CMPK1: variants seen among roughly 807,000 people sequenced by gnomAD.
CMPK1 encodes UMP-CMP kinase.
A neutral mutation model predicts 25.7 loss-of-function variants in CMPK1; 10 were observed. The observed-to-expected ratio is 0.39, with a 90% confidence interval of 0.24 to 0.66. The LOEUF is 0.66. Among genes scored for constraint, CMPK1 ranks in the 30% least tolerant of loss-of-function variants. The pLI, the probability that CMPK1 is intolerant of heterozygous loss-of-function variation, is 0.48. For missense variants in CMPK1, 199 were observed against 280.5 expected, an observed-to-expected ratio of 0.71 and a Z score of 2.08; for synonymous variants, 106 against 101.5, an observed-to-expected ratio of 1.04 and a Z score of -0.27.
In CMPK1 at chr1:47,333,904, G is replaced by T. The variant is rs780734589; in HGVS notation, c.-42G>T. On this transcript the variant is annotated 5_prime_UTR_variant, in exon 1 of 6. Transcript: ENST00000371873. ...TCCCCGCCCCGCCCCGCGCCGCGCC[G>T]GCCGCTGTCAGCTCCCTCAGCGTCC... 8.4e-7 allele frequency: 1 copy of T among 1,187,584 alleles called. No homozygotes were observed. The highest frequency in any genetic ancestry group is 1.1e-6 in the Non-Finnish European group (1 of 950,178). 73.6% of individuals were successfully genotyped at this position (1,187,584 alleles called of 1,614,324 possible). A position where few individuals can be genotyped will look rare whatever the true frequency, so the allele number is the denominator to read the frequency against.
intron 1 of CMPK1, among the ~76,000 whole-genome samples, chr1:47,353,090 T>C (rs1292558066): frequency 6.6e-6 from 1 of 152,242 alleles, no homozygotes; most frequent in Non-Finnish European, 1.5e-5. Flanking sequence ...TAAGAGAGGT[T>C]ACTTGGCACA....
chr1:47,351,745 A>T (rs892741712), intron 1 of CMPK1, among the ~76,000 whole-genome samples: 1 of 151,536 alleles, frequency 6.6e-6, no homozygotes, highest in Admixed American at 6.6e-5. Context: ...ACCAATGTTT[A>T]TTTTTTTTGT....
In CMPK1 at chr1:47,360,052, A is replaced by G. The variant is rs147916245; in HGVS notation, c.172-8417A>G. 3.3e-4 allele frequency among the ~76,000 whole-genome samples: 50 copies of G among 152,302 alleles called. No individual in the cohort carries two copies. In the East Asian group the frequency reaches 8.1e-3, roughly 25 times the overall value. On this transcript the variant is annotated intron_variant, in intron 1 of 5. Coordinates refer to ENST00000371873, the MANE Select transcript of CMPK1 (RefSeq NM_016308.3). Reference sequence around the variant, plus strand: ...GAAATAAGATGAGTATGTAACTTGTATGTTCTACAGTGACAATAAGAATTT... The same window carrying G: ...GAAATAAGATGAGTATGTAACTTGTGTGTTCTACAGTGACAATAAGAATTT...
chr1:47,359,064 A>G (rs61784774), intron 1 of CMPK1, among the ~76,000 whole-genome samples: 26,881 of 152,150 alleles, frequency 0.18, 2,990 homozygotes, highest in East Asian at 0.52. Flanking sequence ...CACACCTGTA[A>G]TCCGTGCACT....
chr1:47,371,352 T>C (rs1346126136), intron 2 of CMPK1, among the ~76,000 whole-genome samples: 1 of 152,214 alleles, frequency 6.6e-6, no homozygotes, highest in Non-Finnish European at 1.5e-5. Flanking sequence ...TGGTTTTTAC[T>C]TTTTCACTCT....
Position 47,370,959 on chromosome 1 carries a change from A to AAAATAAATAAAT in CMPK1, c.319-1983_319-1972dup, listed in dbSNP as rs3046950. Among the ~76,000 whole-genome samples, 1,143 of 149,228 alleles carry AAAATAAATAAAT rather than the reference A, an allele frequency of 7.7e-3. 17 individuals carry two copies. Among genetic ancestry groups the AAAATAAATAAAT allele is most frequent in the East Asian group, 0.038 (191 of 5,012 alleles). The stretch of plus-strand genomic sequence containing the variant: ...GCAACAGGGTGAGATTCCGCCTCAA[A>AAAATAAATAAAT]AAATAAATAAATAAATAAATAAATG... On this transcript the variant is annotated intron_variant, in intron 2 of 5. Coordinates refer to ENST00000371873, the MANE Select transcript of CMPK1 (RefSeq NM_016308.3).
intron 1 of CMPK1, among the ~76,000 whole-genome samples, chr1:47,334,689 G>C (rs1463734699): frequency 1.3e-5 from 2 of 152,166 alleles, no homozygotes; most frequent in South Asian, 2.1e-4. Flanking sequence ...CTCGAGCCCC[G>C]TCCCCGCAAG....
intron 1 of CMPK1, among the ~76,000 whole-genome samples, chr1:47,337,173 C>T (rs1646405019): frequency 6.6e-6 from 1 of 152,114 alleles, no homozygotes; most frequent in Non-Finnish European, 1.5e-5. Flanking sequence ...GTCCCAGCTA[C>T]TTGGGAGGCT....
intron 1 of CMPK1, among the ~76,000 whole-genome samples, chr1:47,359,756 C>T (rs1203634239): frequency 6.6e-6 from 1 of 152,074 alleles, no homozygotes; most frequent in Non-Finnish European, 1.5e-5. Flanking sequence ...AAGTGTTCCA[C>T]CTGCCTCAGC....
chr1:47,354,321 A>G (rs1167385104), intron 1 of CMPK1, among the ~76,000 whole-genome samples: 2 of 152,256 alleles, frequency 1.3e-5, no homozygotes. Flanking sequence ...AGAGCAAGAC[A>G]CTGCCTCAAT....
chr1:47,362,279 C>T (rs1464206495), intron 1 of CMPK1, among the ~76,000 whole-genome samples: 4 of 151,166 alleles, frequency 2.6e-5, no homozygotes, highest in African/African-American at 7.3e-5. Flanking sequence ...AAGCGATTCT[C>T]CTGCCTCAGC....
Position 47,376,723 on chromosome 1 carries a change from A to T in CMPK1, c.665A>T (p.Gln222Leu). The change falls in exon 6 of 6, where the codon CAG (glutamine) becomes CTG (leucine). Residue 222 changes from glutamine to leucine, a missense_variant. Physicochemically the swap from Gln to Leu is moderately radical, Grantham distance 113 (BLOSUM62 -2). Transcript: ENST00000371873. ...SVDEVFDEVV[Q>L]IFDKEG ...TTACAGGTTTTTGATGAAGTTGTGC[A>T]GATTTTTGACAAGGAAGGCTAATTC... 1 of 1,586,644 alleles carries T rather than the reference A, an allele frequency of 6.3e-7. No homozygotes were observed. The highest frequency in any genetic ancestry group is 8.6e-7 in the Non-Finnish European group (1 of 1,157,270).
At chr1:47,357,745 A>G (rs1051128732) in intron 1 of CMPK1, among the ~76,000 whole-genome samples, 5 of 152,056 alleles carry the variant, frequency 3.3e-5, no homozygotes, top group African/African-American at 7.2e-5. Context: ...TCAGCCTCCC[A>G]AAGTGCTGGG....
chr1:47,339,761 G>A (rs1328334374), intron 1 of CMPK1, among the ~76,000 whole-genome samples: 1 of 142,358 alleles, frequency 7.0e-6, no homozygotes, highest in Non-Finnish European at 1.5e-5. Context: ...AGACGGGAGT[G>A]CAGTGGCATG....
chr1:47,337,762 G>A (rs543830787), intron 1 of CMPK1, among the ~76,000 whole-genome samples: 6 of 151,838 alleles, frequency 4.0e-5, no homozygotes, highest in African/African-American at 1.2e-4. Flanking sequence ...ACAGGTGCGC[G>A]CCACCATGCC....
chr1:47,376,611 C>G, intron 5 of CMPK1, 93 bp from the exon 6 acceptor site: 1 of 778,072 alleles, frequency 1.3e-6, no homozygotes, highest in Non-Finnish European at 2.1e-6. Flanking sequence ...CCACCGCGCC[C>G]CGCCAAATTT....
intron 1 of CMPK1, among the ~76,000 whole-genome samples, chr1:47,351,227 A>G (rs577377396): frequency 2.6e-5 from 4 of 152,142 alleles, no homozygotes; most frequent in Non-Finnish European, 5.9e-5. Flanking sequence ...CTACAAGCAC[A>G]TGCCACCACG....
At chr1:47,340,734 T>C (rs574478858) in intron 1 of CMPK1, among the ~76,000 whole-genome samples, 3 of 151,978 alleles carry the variant, frequency 2.0e-5, no homozygotes, top group Admixed American at 1.3e-4. Flanking sequence ...GCCTCCTGGG[T>C]TCAAGCGATT....
intron 3 of CMPK1, 70 bp downstream of exon 3, chr1:47,373,177 G>C: frequency 7.1e-7 from 1 of 1,404,014 alleles, no homozygotes; most frequent in South Asian, 1.4e-5. Context: ...AAAAACAAAG[G>C]ATTTTTTAAC....
Sources: allele counts gnomAD v4.1 joint callset (sites outside exome capture counted in the v4.1 genomes callset), GRCh38; gene constraint gnomAD v4.1.1; transcripts MANE v1.5; gene names NCBI Gene and HGNC (gene_info 2026-07-23, HGNC 2026-07-21).